The following SHBG variants were observed in gnomAD, a reference collection of about 807,000 sequenced individuals.
SHBG encodes the protein sex hormone binding globulin, also known as sex hormone-binding globulin.
SHBG carries 37 observed loss-of-function variants against 41.9 expected under a neutral mutation model. The observed-to-expected ratio is 0.88, with a 90% CI of 0.68 to 1.16. SHBG has a LOEUF of 1.16. SHBG is among the 50% of genes most tolerant of loss of function. SHBG has a pLI of 0.00. For synonymous variants in SHBG, 217 were observed against 205.8 expected (o/e 1.05, Z -0.47); for missense variants, 466 against 499.9 (o/e 0.93, Z 0.65).
rs746911971 is a variant in SHBG at position 7,630,827 on chromosome 17, G to A, written c.351G>A (p.Thr117=). ...IQLHNHWAQL[T]VGAGPRLDDG... ...TGCACAATCACTGGGCCCAGCTTAC[G>A]GTGGGTGCTGGACCACGGCTGGATG... The change falls in exon 3 of 8, where the codon ACG becomes ACA. Residue 117 remains threonine (T), a synonymous_variant. Transcript: ENST00000380450. This position sits in a 1 kb window ranked among gnomAD's most constrained non-coding sequence, Gnocchi z 4.6. 1.1e-5 allele frequency: 18 copies of A among 1,613,722 alleles called. No homozygotes were observed. Among genetic ancestry groups the A allele is most frequent in the South Asian group, 3.3e-5 (3 of 91,074 alleles).
At chr17:7,626,916 A>G, upstream of SHBG, 1 of 1,610,454 alleles carries the variant, frequency 6.2e-7, no homozygotes, top group Non-Finnish European at 8.5e-7. Context: ...CTTTGCTCCC[A>G]CCCCAGCCTC....
chr17:7,617,154 T>A (rs2072008655), intron 1 of SHBG, among the ~76,000 whole-genome samples: 1 of 152,104 alleles, frequency 6.6e-6, no homozygotes, highest in Non-Finnish European at 1.5e-5. Context: ...CTTTTATTTT[T>A]TTTTTGCCCT....
Position 7,633,344 on chromosome 17 carries a change from TCCCATTAAAGCTCCA to T in SHBG, c.1204_*9del. ...GAGCCCAGGCAATGGCACTGACGCT[TCCCATTAAAGCTCCA>T]CCTAAGAACCCCCTTTGAAAGTTAC... On this transcript the variant is annotated stop_lost and 3_prime_UTR_variant, in exon 8 of 8. Coordinates refer to ENST00000380450, the MANE Select transcript of SHBG (RefSeq NM_001040.5). The T allele has an allele frequency of 6.2e-7, 1 of 1,613,986 alleles. No homozygotes were observed. Among genetic ancestry groups the T allele is most frequent in the Non-Finnish European group, 8.5e-7 (1 of 1,179,978 alleles).
intron 1 of SHBG, among the ~76,000 whole-genome samples, chr17:7,621,601 TAAA>T (rs747951932): frequency 0.013 from 617 of 46,916 alleles, 8 homozygotes; most frequent in African/African-American, 0.053. Flanking sequence ...AGTCTCCGTC[TAAA>T]AAAAAAAAAA....
chr17:7,618,433 G>C (rs2072031039), intron 1 of SHBG, among the ~76,000 whole-genome samples: 1 of 131,616 alleles, frequency 7.6e-6, no homozygotes, highest in Non-Finnish European at 1.6e-5. Flanking sequence ...TGCCACAGCT[G>C]GCTAGGTTTG....
chr17:7,620,174 G>A (rs1567758734), intron 1 of SHBG, among the ~76,000 whole-genome samples: 2 of 151,898 alleles, frequency 1.3e-5, no homozygotes, highest in Non-Finnish European at 2.9e-5. Context: ...ATCAAGAAGT[G>A]GTAATACTGG....
chr17:7,618,668 A>G (rs2072036248), intron 1 of SHBG, among the ~76,000 whole-genome samples: 1 of 152,048 alleles, frequency 6.6e-6, no homozygotes, highest in African/African-American at 2.4e-5. Flanking sequence ...TTCCCAACAA[A>G]TTTACCTCCC....
In SHBG at chr17:7,631,559, T is replaced by A. The variant is rs531265437; in HGVS notation, c.556-30T>A. Reference sequence around the variant, plus strand: ...CGGCTCCGATGCCCTGATTTCTACATCCCCGTATCTTATCTCTGTCACACT... The same window carrying A: ...CGGCTCCGATGCCCTGATTTCTACAACCCCGTATCTTATCTCTGTCACACT... On this transcript the variant is annotated intron_variant, in intron 4 of 7. Transcript: ENST00000380450. 5.6e-6 allele frequency: 9 copies of A among 1,613,410 alleles called. No homozygotes were observed. In the African/African-American group the frequency reaches 9.3e-5, roughly 17 times the overall value.
intron 1 of SHBG, chr17:7,614,541 C>A (rs774435702): frequency 6.8e-7 from 1 of 1,468,342 alleles, no homozygotes; most frequent in South Asian, 1.3e-5. Context: ...ATGGCGCCGC[C>A]ACCGCCTCCG....
In SHBG at chr17:7,630,872, A is replaced by G; in HGVS notation, c.393+3A>G. 1 of 1,612,020 alleles carries G rather than the reference A, an allele frequency of 6.2e-7. No individual in the cohort carries two copies. The highest frequency in any genetic ancestry group is 2.2e-5 in the East Asian group (1 of 44,868). Reference sequence around the variant, plus strand: ...TGGATGATGGGAGATGGCACCAGGTAAGCTAGCTCTGGTCCTCAGGGGAGG... The same window carrying G: ...TGGATGATGGGAGATGGCACCAGGTGAGCTAGCTCTGGTCCTCAGGGGAGG... On this transcript the variant is annotated splice_donor_region_variant and intron_variant, in intron 3 of 7. Transcript: ENST00000380450. This position sits in a 1 kb window ranked among gnomAD's most constrained non-coding sequence, Gnocchi z 4.6.
chr17:7,624,502 A>G (rs2072156861), upstream of SHBG, among the ~76,000 whole-genome samples: 1 of 152,072 alleles, frequency 6.6e-6, no homozygotes, highest in Non-Finnish European at 1.5e-5. Context: ...TGCCTCCCAA[A>G]GTGCTGGGAT....
chr17:7,615,508 A>G (rs777620506), intron 1 of SHBG, among the ~76,000 whole-genome samples: 28 of 152,182 alleles, frequency 1.8e-4, no homozygotes, highest in Non-Finnish European at 3.1e-4. Flanking sequence ...TTGTGATACA[A>G]TGAAAGTTTT....
chr17:7,632,666 A>C, intron 6 of SHBG, 86 bp from the exon 7 acceptor site: 1 of 1,027,466 alleles, frequency 9.7e-7, no homozygotes, highest in Non-Finnish European at 1.5e-6. Context: ...AGGCAGAATT[A>C]AGGCAGCTAG....
Position 7,632,091 on chromosome 17 carries a change from T to C in SHBG, c.852+76T>C, listed in dbSNP as rs559598418. ...TGAGGGAAGAGGGGAGTCCAACATG[T>C]CAATATTAGGAAGGTTTCCAGCCCA... is the stretch of plus-strand genomic sequence containing the variant. On this transcript the variant is annotated intron_variant, in intron 6 of 7. Transcript: ENST00000380450. 3 of 1,463,762 alleles carry C rather than the reference T, an allele frequency of 2.0e-6. 1 individual carries two copies. In the Admixed American group the frequency reaches 5.0e-5, roughly 24 times the overall value. 90.7% of individuals were successfully genotyped at this position (1,463,762 alleles called of 1,614,324 possible).
At chr17:7,620,273 C>T (rs1260842612) in intron 1 of SHBG, among the ~76,000 whole-genome samples, 1 of 152,142 alleles carries the variant, frequency 6.6e-6, no homozygotes, top group Non-Finnish European at 1.5e-5. Flanking sequence ...CAATACTAGC[C>T]TGGACAACAT....
upstream of SHBG, chr17:7,627,886 G>T: frequency 4.8e-6 from 3 of 626,906 alleles, no homozygotes; most frequent in Admixed American, 2.3e-5. The surrounding 1 kb of genome is among the most constrained non-coding windows in gnomAD (Gnocchi z 4.8). Flanking sequence ...TGTCGCAGCA[G>T]GGGGCACAAC....
At chr17:7,629,986 C>T (rs2072344707), upstream of SHBG, 10 of 661,454 alleles carry the variant, frequency 1.5e-5, no homozygotes, top group South Asian at 1.6e-4. Context: ...CCCATTGATC[C>T]CCAGAGGGGT....
chr17:7,630,259 C>T lies in SHBG; in HGVS notation c.87C>T (p.Ala29=). 3 of 1,608,610 alleles carry T rather than the reference C, an allele frequency of 1.9e-6. No individual in the cohort carries two copies. Among genetic ancestry groups the T allele is most frequent in the African/African-American group, 2.7e-5 (2 of 74,860 alleles). The part of the protein sequence containing the change: ...LLLRHTRQGW[A]LRPVLPTQSA... ...TGCGTCACACCCGCCAGGGATGGGC[C>T]CTGAGACCTGTTCTCCCCACCCAGG... is the stretch of plus-strand genomic sequence containing the variant. Residue 29 remains alanine, a synonymous_variant, in exon 1 of 8, where the codon GCC becomes GCT. Coordinates refer to ENST00000380450, the MANE Select transcript of SHBG (RefSeq NM_001040.5). This position sits in a 1 kb window ranked among gnomAD's most constrained non-coding sequence, Gnocchi z 4.6.
upstream of SHBG, chr17:7,627,529 G>A: frequency 6.4e-7 from 1 of 1,573,166 alleles, no homozygotes; most frequent in East Asian, 2.2e-5. The surrounding 1 kb of genome is among the most constrained non-coding windows in gnomAD (Gnocchi z 4.8). Context: ...CGCTCTGGCC[G>A]CGCCACTCTG....
Sources: gnomAD v4.1 joint callset for allele counts (sites outside exome capture counted in the v4.1 genomes callset) on GRCh38, gnomAD v4.1.1 for gene constraint, Gnocchi (gnomAD v3.1) non-coding constraint, MANE v1.5 for transcripts, NCBI Gene and HGNC (gene_info 2026-07-23, HGNC 2026-07-21) for gene names.